The following ITGA2 variants were observed in gnomAD, a reference collection of about 807,000 sequenced individuals.
ITGA2 encodes integrin subunit alpha 2, also known as integrin alpha-2.
ITGA2 carries 101 observed loss-of-function variants against 146.3 expected under a neutral mutation model. That is an observed-to-expected ratio of 0.69 (90% confidence interval 0.59 to 0.81). The LOEUF (loss-of-function observed/expected upper bound fraction) is 0.81. ITGA2 is among the 40% of genes least tolerant of loss of function. ITGA2 has a pLI of 0.00. For synonymous variants in ITGA2, 477 were observed against 487.1 expected (o/e 0.98, Z 0.27); for missense variants, 1,281 against 1,402.7 (o/e 0.91, Z 1.39).
At chr5:53,087,495 T>G (rs914373195) in intron 28 of ITGA2, among the ~76,000 whole-genome samples, 1 of 152,204 alleles carries the variant, frequency 6.6e-6, no homozygotes, top group African/African-American at 2.4e-5. Flanking sequence ...TACTGAAGCA[T>G]GCTTAATAAA....
In ITGA2 at chr5:53,062,931, T is replaced by TA. The variant is rs545988273; in HGVS notation, c.1602+15dup. 26,467 of 1,242,848 alleles carry TA rather than the reference T, an allele frequency of 0.021. No homozygotes were observed. Among genetic ancestry groups the TA allele is most frequent in the Non-Finnish European group, 0.024 (21,756 of 889,702 alleles). 77.0% of individuals were successfully genotyped at this position (1,242,848 alleles called of 1,614,324 possible). A position where few individuals can be genotyped will look rare whatever the true frequency, so the allele number is the denominator to read the frequency against. ...GTCTACCTGTTTACTATCAAAGAGG[T>TA]AAAAAAAAAAAAATAAACTAATAGT... On this transcript the variant is annotated splice_region_variant and intron_variant, in intron 13 of 29. Coordinates refer to ENST00000296585, the MANE Select transcript of ITGA2 (RefSeq NM_002203.4).
chr5:53,047,764 G>A (rs532788603), intron 4 of ITGA2, among the ~76,000 whole-genome samples: 20 of 152,246 alleles, frequency 1.3e-4, no homozygotes, highest in East Asian at 3.9e-4. Context: ...CTCTTCAAGC[G>A]TTACTGCCAT....
At chr5:53,075,901 A>G (rs1447520390) in intron 23 of ITGA2, among the ~76,000 whole-genome samples, 2 of 152,096 alleles carry the variant, frequency 1.3e-5, no homozygotes, top group Non-Finnish European at 2.9e-5. Flanking sequence ...GATGTTATCC[A>G]TAAAGAAATG....
chr5:53,020,957 AGTG>A (rs1350703790), intron 1 of ITGA2, among the ~76,000 whole-genome samples: 1 of 151,884 alleles, frequency 6.6e-6, no homozygotes, highest in African/African-American at 2.4e-5. Context: ...GGCCTCCCAA[AGTG>A]GTGGGATTAT....
At chr5:53,071,417 A>C (rs1479443873) in intron 17 of ITGA2, among the ~76,000 whole-genome samples, 1 of 151,840 alleles carries the variant, frequency 6.6e-6, no homozygotes, top group Non-Finnish European at 1.5e-5. Context: ...TGCCAGTTAA[A>C]GTACATCCTA....
chr5:53,004,093 A>G (rs143235259), intron 1 of ITGA2, among the ~76,000 whole-genome samples: 1,575 of 152,246 alleles, frequency 0.01, 11 homozygotes, highest in Non-Finnish European at 0.017. Context: ...TCCACCCACT[A>G]GATGTTAATA....
intron 1 of ITGA2, among the ~76,000 whole-genome samples, chr5:53,010,307 A>G (rs1487364617): frequency 6.6e-6 from 1 of 152,206 alleles, no homozygotes; most frequent in Non-Finnish European, 1.5e-5. Context: ...CCAGAGGCCT[A>G]TGGTTGACAG....
chr5:53,052,746 T>C (rs1453665109), intron 7 of ITGA2, among the ~76,000 whole-genome samples: 1 of 152,084 alleles, frequency 6.6e-6, no homozygotes, highest in African/African-American at 2.4e-5. Flanking sequence ...ACCACAAACT[T>C]CTCGAACTCC....
At chr5:53,001,622 G>A (rs1741589301) in intron 1 of ITGA2, among the ~76,000 whole-genome samples, 1 of 152,076 alleles carries the variant, frequency 6.6e-6, no homozygotes, top group Non-Finnish European at 1.5e-5. Flanking sequence ...ATTGTTTGAG[G>A]CCAGGAATTT....
rs1449276530 is a variant in ITGA2, at chr5:53,092,697, G to A, written c.*2098G>A. 6.6e-6 allele frequency: 1 copy of A among 152,058 alleles called. No individual in the cohort carries two copies. Among genetic ancestry groups the A allele is most frequent in the East Asian group, 1.9e-4 (1 of 5,202 alleles). 9.4% of individuals were successfully genotyped at this position (152,058 alleles called of 1,614,324 possible). ...GAATATTTAACAGCTAGTGGTGCTG[G>A]TGTGTACCTGAAGCTCCAGCTACTT... On this transcript the variant is annotated 3_prime_UTR_variant, in exon 30 of 30. Coordinates refer to ENST00000296585, the MANE Select transcript of ITGA2 (RefSeq NM_002203.4).
At chr5:53,012,538 T>A (rs1316411794) in intron 1 of ITGA2, among the ~76,000 whole-genome samples, 1 of 152,162 alleles carries the variant, frequency 6.6e-6, no homozygotes, top group Admixed American at 6.5e-5. Flanking sequence ...TCTTTGCTAT[T>A]GTGAATAGCA....
At chr5:53,027,675 C>G (rs1199309336) in intron 2 of ITGA2, among the ~76,000 whole-genome samples, 2 of 152,208 alleles carry the variant, frequency 1.3e-5, no homozygotes, top group Non-Finnish European at 2.9e-5. Context: ...CTCCTTGTTG[C>G]AGCAGGAGGC....
intron 2 of ITGA2, among the ~76,000 whole-genome samples, chr5:53,037,114 T>C (rs1025790539): frequency 6.6e-6 from 1 of 152,228 alleles, no homozygotes; most frequent in Admixed American, 6.5e-5. Flanking sequence ...AAAACTGTCC[T>C]ACCTACACCA....
chr5:53,037,889 CAG>C (rs1267066582), intron 2 of ITGA2, among the ~76,000 whole-genome samples: 1 of 152,206 alleles, frequency 6.6e-6, no homozygotes, highest in Non-Finnish European at 1.5e-5. Context: ...ATAATACTGT[CAG>C]AGATGTATTT....
chr5:53,058,900 C>G (rs186664479), intron 10 of ITGA2, among the ~76,000 whole-genome samples: 52 of 152,048 alleles, frequency 3.4e-4, no homozygotes, highest in African/African-American at 1.2e-3. Flanking sequence ...ATTTTGCACA[C>G]AATCCCATGA....
intron 17 of ITGA2, 122 bp downstream of exon 17, chr5:53,070,382 A>T (rs1745334287): frequency 2.4e-6 from 2 of 836,756 alleles, no homozygotes; most frequent in Non-Finnish European, 2.0e-6. Flanking sequence ...TGCCTTTCTT[A>T]TGTAATTCCA....
chr5:53,061,979 G>A (rs1183872832), intron 12 of ITGA2, among the ~76,000 whole-genome samples: 2 of 151,798 alleles, frequency 1.3e-5, no homozygotes, highest in African/African-American at 4.8e-5. Flanking sequence ...GAAAATAACA[G>A]TGACAGTGTT....
intron 7 of ITGA2, among the ~76,000 whole-genome samples, chr5:53,052,041 A>G (rs1390089324): frequency 6.6e-6 from 1 of 151,766 alleles, no homozygotes; most frequent in African/African-American, 2.4e-5. Flanking sequence ...TTCTTATCTC[A>G]ATTTCTCTAT....
At chr5:53,009,038 T>G (rs546942290) in intron 1 of ITGA2, among the ~76,000 whole-genome samples, 139 of 152,138 alleles carry the variant, frequency 9.1e-4, no homozygotes, top group Middle Eastern at 3.4e-3. Context: ...CTGCACACAG[T>G]GGGGTGCAAG....
Sources: gnomAD v4.1 joint callset for allele counts (sites outside exome capture counted in the v4.1 genomes callset) on GRCh38, gnomAD v4.1.1 for gene constraint, MANE v1.5 for transcripts, NCBI Gene and HGNC (gene_info 2026-07-23, HGNC 2026-07-21) for gene names.